Variants in IGFBPL1 observed in about 807,000 individuals in gnomAD.
The protein encoded by IGFBPL1 is insulin-like growth factor-binding protein-like 1.
Under a neutral mutation model 23.9 loss-of-function variants are expected in IGFBPL1, and 20 were observed. That is an observed-to-expected ratio of 0.84 (90% CI 0.59 to 1.22). IGFBPL1 has a LOEUF of 1.22. IGFBPL1 is among the 50% of genes most tolerant of loss of function. IGFBPL1 has a pLI of 0.00. For missense variants in IGFBPL1, 436 were observed against 379.3 expected (o/e 1.15, Z -1.24); for synonymous variants, 184 against 171.8 (o/e 1.07, Z -0.56).
rs749624766 is a variant in IGFBPL1 at position 38,413,306 on chromosome 9, C to T, written c.618G>A (p.Gly206=). The change falls in exon 3 of 5, where the codon GGG becomes GGA. Residue 206 remains glycine, a synonymous_variant. Transcript: ENST00000377694. The part of the protein sequence containing the change: ...EGTQALEELP[G]DHVNIAVQVR... Reference sequence around the variant, plus strand: ...CTTGGACAGCTATATTGACATGGTCCCCAGGCAGCTCCTCCAGTGCTTGGG... The same window carrying T: ...CTTGGACAGCTATATTGACATGGTCTCCAGGCAGCTCCTCCAGTGCTTGGG... The T allele has an allele frequency of 9.3e-6, 15 of 1,614,052 alleles. No individual in the cohort carries two copies. In the East Asian group the frequency reaches 2.7e-4, roughly 29 times the overall value.
chr9:38,424,362 C>A lies in IGFBPL1; in HGVS notation c.63G>T (p.Pro21=), dbSNP rs1206627358. The change falls in exon 1 of 5, where the codon CCG becomes CCT. Residue 21 remains proline (P), a synonymous_variant. Coordinates refer to ENST00000377694, the MANE Select transcript of IGFBPL1 (RefSeq NM_001007563.3). ...LLLLLLPLLP[P]LSPSLGIRDV... is the part of the protein sequence containing the mutation. ...CGCGGATCCCAAGGCTCGGGGACAG[C>A]GGCGGCAGCAGCGGCAGCAGCAGCA... The A allele has an allele frequency of 1.2e-5, 9 of 764,882 alleles. No homozygotes were observed. The highest frequency in any genetic ancestry group is 1.9e-5 in the Non-Finnish European group (9 of 485,214). 47.4% of individuals were successfully genotyped at this position (764,882 alleles called of 1,614,324 possible). A position where few individuals can be genotyped will look rare whatever the true frequency, so the allele number is the denominator to read the frequency against.
chr9:38,413,744 AC>A (rs1821550996), intron 2 of IGFBPL1, among the ~76,000 whole-genome samples: 1 of 152,166 alleles, frequency 6.6e-6, no homozygotes, highest in East Asian at 1.9e-4. Context: ...TGTCTGAAAC[AC>A]AGCCCCGAAG....
chr9:38,415,496 C>T (rs183037934), intron 1 of IGFBPL1, among the ~76,000 whole-genome samples: 109 of 152,232 alleles, frequency 7.2e-4, no homozygotes, highest in South Asian at 3.3e-3. Flanking sequence ...TAGTTTGGCC[C>T]CTCCAGACAG....
chr9:38,417,106 C>T (rs1296712604), intron 1 of IGFBPL1, among the ~76,000 whole-genome samples: 2 of 152,148 alleles, frequency 1.3e-5, no homozygotes, highest in Admixed American at 6.5e-5. Context: ...GCACAGCGCT[C>T]GCTGTGTGCT....
chr9:38,420,086 T>C (rs1821658953), intron 1 of IGFBPL1, among the ~76,000 whole-genome samples: 1 of 152,148 alleles, frequency 6.6e-6, no homozygotes, highest in Non-Finnish European at 1.5e-5. Flanking sequence ...AGATGGGATC[T>C]TGCTGCGTTG....
In IGFBPL1 at chr9:38,416,005, C is replaced by G. The variant is rs1227802382; in HGVS notation, c.461-1802G>C. On this transcript the variant is annotated intron_variant, in intron 1 of 4. Transcript: ENST00000377694. ...GGGAACCAAGATCCTAGATGTCTAA[C>G]GTTGCCTGACAGCCACAGAGAGCCA... is the stretch of plus-strand genomic sequence containing the variant. Among the ~76,000 whole-genome samples the G allele has an allele frequency of 2.0e-5, 3 of 152,328 alleles. No homozygotes were observed. In the South Asian group the frequency reaches 6.2e-4, roughly 32 times the overall value.
intron 1 of IGFBPL1, among the ~76,000 whole-genome samples, chr9:38,414,616 G>C (rs939848149): frequency 6.6e-5 from 10 of 152,134 alleles, no homozygotes; most frequent in African/African-American, 2.4e-4. Context: ...CTAACAGATG[G>C]GCTTTTCTCC....
At chr9:38,410,117 C>A (rs1821490001) in intron 4 of IGFBPL1, among the ~76,000 whole-genome samples, 1 of 152,152 alleles carries the variant, frequency 6.6e-6, no homozygotes, top group Admixed American at 6.5e-5. Context: ...CTAATTTTTC[C>A]TGTTCTATTA....
At chr9:38,417,497 T>A (rs914596798) in intron 1 of IGFBPL1, among the ~76,000 whole-genome samples, 3 of 152,216 alleles carry the variant, frequency 2.0e-5, no homozygotes, top group Admixed American at 6.5e-5. Context: ...ACATTTGTTA[T>A]CTGTGTGGTC....
intron 1 of IGFBPL1, 87 bp from the exon 2 acceptor site, chr9:38,414,290 G>T: frequency 1.4e-6 from 1 of 730,078 alleles, no homozygotes; most frequent in South Asian, 1.7e-5. Context: ...CGGAGAGCCC[G>T]CTGTGATGTC....
At chr9:38,421,940 T>G (rs952686199) in intron 1 of IGFBPL1, among the ~76,000 whole-genome samples, 1 of 152,152 alleles carries the variant, frequency 6.6e-6, no homozygotes, top group African/African-American at 2.4e-5. Context: ...CAGTTCTGAG[T>G]TGCTTCCATG....
chr9:38,414,295 G>T, intron 1 of IGFBPL1, 92 bp from the exon 2 acceptor site: 1 of 709,846 alleles, frequency 1.4e-6, no homozygotes. Context: ...AGCCCGCTGT[G>T]ATGTCCTGAC....
chr9:38,418,872 G>T (rs1185426697), intron 1 of IGFBPL1, among the ~76,000 whole-genome samples: 1 of 152,084 alleles, frequency 6.6e-6, no homozygotes, highest in East Asian at 1.9e-4. Flanking sequence ...AGCAAAAACA[G>T]TACCAGAGGG....
At chr9:38,417,517 G>C (rs940946168) in intron 1 of IGFBPL1, among the ~76,000 whole-genome samples, 8 of 152,210 alleles carry the variant, frequency 5.3e-5, no homozygotes, top group Non-Finnish European at 1.0e-4. Flanking sequence ...CTCCGATCCA[G>C]AATAAGAGAT....
chr9:38,419,909 T>C (rs1480576831), intron 1 of IGFBPL1, among the ~76,000 whole-genome samples: 1 of 151,074 alleles, frequency 6.6e-6, no homozygotes, highest in Non-Finnish European at 1.5e-5. Flanking sequence ...TTCTTCTTTT[T>C]AGACAGGGTC....
chr9:38,410,344 G>A (rs1472679416), intron 4 of IGFBPL1, among the ~76,000 whole-genome samples: 1 of 152,096 alleles, frequency 6.6e-6, no homozygotes, highest in Non-Finnish European at 1.5e-5. Flanking sequence ...TTAGCCAGGT[G>A]TGGTGGCGGG....
At chr9:38,410,214 G>A (rs934966575) in intron 4 of IGFBPL1, among the ~76,000 whole-genome samples, 1 of 152,186 alleles carries the variant, frequency 6.6e-6, no homozygotes, top group African/African-American at 2.4e-5. Context: ...CAGGCACGGT[G>A]GCTCACGCCT....
intron 1 of IGFBPL1, among the ~76,000 whole-genome samples, chr9:38,419,872 TCC>T (rs2118321902): frequency 8.4e-6 from 1 of 118,474 alleles, no homozygotes; most frequent in South Asian, 3.0e-4. Context: ...CCCCTCCTCC[TCC>T]TCCTCCTCCT....
intron 1 of IGFBPL1, among the ~76,000 whole-genome samples, chr9:38,415,606 C>A (rs533421732): frequency 2.0e-5 from 3 of 152,216 alleles, no homozygotes; most frequent in South Asian, 4.1e-4. Flanking sequence ...CATCCTGATT[C>A]TCTGTGATTC....
Sources: allele counts gnomAD v4.1 joint callset (sites outside exome capture counted in the v4.1 genomes callset), GRCh38; gene constraint gnomAD v4.1.1; transcripts MANE v1.5; gene names NCBI Gene and HGNC (gene_info 2026-07-23, HGNC 2026-07-21).